Variants in RIT2 observed in about 807,000 individuals in gnomAD.
RIT2 encodes the protein GTP-binding protein Rit2.
A neutral mutation model predicts 23.7 loss-of-function variants in RIT2; 24 were observed. That is an observed-to-expected ratio of 1.01 (90% CI 0.73 to 1.43). The LOEUF is 1.43. RIT2 is among the 40% of genes most tolerant of loss of function. RIT2 has a pLI of 0.00. For missense variants in RIT2, 236 were observed against 266.9 expected (o/e 0.88, Z 0.81); for synonymous variants, 107 against 91.1 (o/e 1.17, Z -0.99).
At chr18:42,806,470 A>C (rs2143969113) in intron 4 of RIT2, among the ~76,000 whole-genome samples, 1 of 152,014 alleles carries the variant, frequency 6.6e-6, no homozygotes, top group South Asian at 2.1e-4. Flanking sequence ...ACTCGGTCTC[A>C]AAAAAAAGAG....
At chr18:43,042,831 T>C (rs1912160117) in intron 1 of RIT2, among the ~76,000 whole-genome samples, 1 of 152,160 alleles carries the variant, frequency 6.6e-6, no homozygotes, top group South Asian at 2.1e-4. Context: ...TGTTTAATGG[T>C]GACAACAGCA....
At chr18:42,786,104 G>A (rs1265383424) in intron 4 of RIT2, among the ~76,000 whole-genome samples, 4 of 152,146 alleles carry the variant, frequency 2.6e-5, no homozygotes, top group African/African-American at 7.2e-5. Context: ...TTTGGCACAT[G>A]AGGACAGCAA....
intron 4 of RIT2, among the ~76,000 whole-genome samples, chr18:42,793,208 T>C (rs977159709): frequency 1.7e-4 from 26 of 152,218 alleles, no homozygotes; most frequent in Middle Eastern, 3.2e-3. Context: ...GAAGCAGCTA[T>C]ATGTAAAATA....
intron 1 of RIT2, among the ~76,000 whole-genome samples, chr18:43,093,181 G>A (rs1913465636): frequency 6.6e-6 from 1 of 152,028 alleles, no homozygotes. Flanking sequence ...AACTAATTCA[G>A]TGCTTTCGCT....
At chr18:42,832,196 G>T (rs1450745685) in intron 4 of RIT2, among the ~76,000 whole-genome samples, 2 of 152,134 alleles carry the variant, frequency 1.3e-5, no homozygotes, top group Non-Finnish European at 2.9e-5. Context: ...ATGGTCCAGG[G>T]CGTGTCACTA....
chr18:43,016,861 GTCC>G (rs1007045709), intron 2 of RIT2, among the ~76,000 whole-genome samples: 1 of 151,816 alleles, frequency 6.6e-6, no homozygotes, highest in Admixed American at 6.6e-5. Flanking sequence ...TCAGAATGTT[GTCC>G]TCCTTAGTCA....
At chr18:43,033,171 GC>G (rs1327744535) in intron 2 of RIT2, among the ~76,000 whole-genome samples, 1 of 152,092 alleles carries the variant, frequency 6.6e-6, no homozygotes, top group East Asian at 1.9e-4. Flanking sequence ...AATGAGTAAA[GC>G]AATTTTAAAG....
intron 1 of RIT2, among the ~76,000 whole-genome samples, chr18:43,100,194 G>A (rs958570610): frequency 2.6e-5 from 4 of 152,074 alleles, no homozygotes; most frequent in Non-Finnish European, 5.9e-5. Context: ...GTGCGGACAG[G>A]TCCATTGATG....
intron 4 of RIT2, among the ~76,000 whole-genome samples, chr18:42,859,386 T>G (rs2144047335): frequency 6.6e-6 from 1 of 152,356 alleles, no homozygotes; most frequent in East Asian, 1.9e-4. Flanking sequence ...CTCGGCTGAT[T>G]TTTAGATTAG....
intron 1 of RIT2, among the ~76,000 whole-genome samples, chr18:43,064,242 A>G (rs1481045870): frequency 6.6e-6 from 1 of 152,188 alleles, no homozygotes; most frequent in Admixed American, 6.5e-5. Flanking sequence ...CAGAAATCTC[A>G]ACTCACCAGA....
intron 1 of RIT2, among the ~76,000 whole-genome samples, chr18:43,065,249 C>A (rs771506337): frequency 3.5e-4 from 36 of 103,516 alleles, no homozygotes; most frequent in Non-Finnish European, 5.3e-4. Flanking sequence ...TTTTTAGAGA[C>A]ATGGTCTCAA....
At chr18:42,838,986 G>A (rs1436894786) in intron 4 of RIT2, among the ~76,000 whole-genome samples, 2 of 152,190 alleles carry the variant, frequency 1.3e-5, no homozygotes, top group Non-Finnish European at 2.9e-5. Flanking sequence ...GTTCAAGCCA[G>A]ATGGGTCCTG....
At chr18:43,077,962 T>A (rs927234041) in intron 1 of RIT2, among the ~76,000 whole-genome samples, 2 of 152,204 alleles carry the variant, frequency 1.3e-5, no homozygotes, top group Non-Finnish European at 2.9e-5. Flanking sequence ...AATATTGCCA[T>A]CATATTCTCA....
At chr18:43,109,496 A>G (rs1005943992) in intron 1 of RIT2, among the ~76,000 whole-genome samples, 2 of 152,110 alleles carry the variant, frequency 1.3e-5, no homozygotes, top group Non-Finnish European at 2.9e-5. Context: ...TTTATGTTCA[A>G]TTCTTTCCCT....
At chr18:42,758,975 AT>A (rs1473929296) in intron 4 of RIT2, among the ~76,000 whole-genome samples, 34 of 152,138 alleles carry the variant, frequency 2.2e-4, no homozygotes, top group African/African-American at 7.7e-4. Context: ...GACTGGAGCT[AT>A]ACAAATGGCT....
At chr18:42,861,618 C>T (rs897136859) in intron 4 of RIT2, among the ~76,000 whole-genome samples, 2 of 152,186 alleles carry the variant, frequency 1.3e-5, no homozygotes, top group Non-Finnish European at 2.9e-5. Flanking sequence ...AACAGAGACC[C>T]CCATCTCTTT....
chr18:42,894,361 A>G (rs1183667703), intron 4 of RIT2, among the ~76,000 whole-genome samples: 1 of 152,244 alleles, frequency 6.6e-6, no homozygotes, highest in African/African-American at 2.4e-5. Context: ...CATTTCAAGC[A>G]TCAGTGAAGA....
chr18:43,092,524 T>G (rs535844268), intron 1 of RIT2, among the ~76,000 whole-genome samples: 1 of 152,126 alleles, frequency 6.6e-6, no homozygotes, highest in East Asian at 1.9e-4. Flanking sequence ...GTTTTTGAGT[T>G]TGTGAAACTT....
intron 4 of RIT2, among the ~76,000 whole-genome samples, chr18:42,901,353 A>T (rs901410622): frequency 1.3e-5 from 2 of 151,926 alleles, no homozygotes; most frequent in Admixed American, 6.6e-5. Flanking sequence ...TGTTTGAGAG[A>T]ATGATTAACA....
Sources: allele counts gnomAD v4.1 joint callset (sites outside exome capture counted in the v4.1 genomes callset), GRCh38; gene constraint gnomAD v4.1.1; transcripts MANE v1.5; gene names NCBI Gene and HGNC (gene_info 2026-07-23, HGNC 2026-07-21).